PITPNM2: variants seen among roughly 807,000 people sequenced by gnomAD.
PITPNM2 encodes the protein phosphatidylinositol transfer protein membrane associated 2.
In PITPNM2, 35 loss-of-function variants were observed where a neutral mutation model predicts 132.2. That is an observed-to-expected ratio of 0.26 (90% CI 0.20 to 0.35). The LOEUF (loss-of-function observed/expected upper bound fraction) is 0.35. Among genes scored for constraint, PITPNM2 ranks in the 10% least tolerant of loss-of-function variants. The pLI is 1.00. For synonymous variants in PITPNM2, 738 were observed against 799.2 expected, an observed-to-expected ratio of 0.92 and a Z score of 1.29; for missense variants, 1,332 against 1,912.0, an observed-to-expected ratio of 0.70 and a Z score of 5.66.
chr12:123,024,512 A>G (rs770871049), intron 3 of PITPNM2, among the ~76,000 whole-genome samples: 8 of 152,236 alleles, frequency 5.3e-5, no homozygotes, highest in Non-Finnish European at 8.8e-5. Flanking sequence ...CAAAAAGTGG[A>G]AACAACCCAA....
At chr12:123,113,640 G>A (rs1259025011) in intron 1 of PITPNM2, among the ~76,000 whole-genome samples, 2 of 152,104 alleles carry the variant, frequency 1.3e-5, no homozygotes, top group Admixed American at 6.5e-5. Flanking sequence ...GATCAAGGCC[G>A]CAGTGAACTG....
chr12:123,023,283 C>T lies in PITPNM2; in HGVS notation c.79-9241G>A, dbSNP rs914521600. ...GCCACTCAGAATGTCAGTGCGCAGG[C>T]GTGCATGCGTGCACACACATGTGGC... On this transcript the variant is annotated intron_variant, in intron 3 of 25. Transcript: ENST00000320201. This position sits in a 1 kb window ranked among gnomAD's most constrained non-coding sequence, Gnocchi z 4.8. Among the ~76,000 whole-genome samples, 3 of 152,118 alleles carry T rather than the reference C, an allele frequency of 2.0e-5. No individual in the cohort carries two copies. The highest frequency in any genetic ancestry group is 1.3e-4 in the Admixed American group (2 of 15,284).
Position 123,005,120 on chromosome 12 carries a change from G to T in PITPNM2, c.952+120C>A. 7.9e-7 allele frequency: 1 copy of T among 1,265,304 alleles called. No individual in the cohort carries two copies. Among genetic ancestry groups the T allele is most frequent in the Non-Finnish European group, 1.1e-6 (1 of 910,204 alleles). 78.4% of individuals were successfully genotyped at this position (1,265,304 alleles called of 1,614,324 possible). ...AGCCCAGGGCTCTGACTCCCTCTGG[G>T]CTTGGTGCCTCAATGTCCATGGGAA... On this transcript the variant is annotated intron_variant, in intron 7 of 25. Coordinates refer to ENST00000320201, the MANE Select transcript of PITPNM2 (RefSeq NM_020845.3). The surrounding 1 kb of genome is among the most constrained non-coding windows in gnomAD (Gnocchi z 6.2).
At position 123,095,314 on chromosome 12, in the gene PITPNM2, C is replaced by T. The variant is rs897350319; in HGVS notation, c.-96+15071G>A. Among the ~76,000 whole-genome samples, 1 of 152,196 alleles carries T rather than the reference C, an allele frequency of 6.6e-6. No individual in the cohort carries two copies. Among genetic ancestry groups the T allele is most frequent in the Non-Finnish European group, 1.5e-5 (1 of 68,032 alleles). Reference sequence around the variant, plus strand: ...GAGCTAAGCAAATCAGAACCGATGGCCCTGTGCTGGGCACAGATCCCGCTT... The same window carrying T: ...GAGCTAAGCAAATCAGAACCGATGGTCCTGTGCTGGGCACAGATCCCGCTT... On this transcript the variant is annotated intron_variant, in intron 2 of 25. Coordinates refer to ENST00000320201, the MANE Select transcript of PITPNM2 (RefSeq NM_020845.3). This position sits in a 1 kb window ranked among gnomAD's most constrained non-coding sequence, Gnocchi z 5.0.
chr12:123,019,719 G>T (rs1217731493), intron 3 of PITPNM2, among the ~76,000 whole-genome samples: 1 of 152,244 alleles, frequency 6.6e-6, no homozygotes, highest in Non-Finnish European at 1.5e-5. Flanking sequence ...ACAGAAAGTA[G>T]AAGAAAGAGA....
intron 2 of PITPNM2, among the ~76,000 whole-genome samples, chr12:123,096,094 T>C (rs1172738520): frequency 6.6e-6 from 1 of 152,190 alleles, no homozygotes; most frequent in African/African-American, 2.4e-5. Flanking sequence ...GGAGCCAAAG[T>C]GGCCCCGTGG....
chr12:122,996,710 C>T lies in PITPNM2; in HGVS notation c.1662+11G>A, dbSNP rs754985090. 5 of 1,611,058 alleles carry T rather than the reference C, an allele frequency of 3.1e-6. No homozygotes were observed. The highest frequency in any genetic ancestry group is 4.2e-6 in the Non-Finnish European group (5 of 1,179,174). ...CATCCTCCTCCCCTCCCCAACTTCCCCGGGACTCACCTGCCCATTGAAGGT... is the reference window on the plus strand; with the variant it reads ...CATCCTCCTCCCCTCCCCAACTTCCTCGGGACTCACCTGCCCATTGAAGGT... On this transcript the variant is annotated intron_variant, in intron 12 of 25. Coordinates refer to ENST00000320201, the MANE Select transcript of PITPNM2 (RefSeq NM_020845.3).
In PITPNM2 at chr12:123,049,137, AAC is replaced by A. The variant is rs35784732; in HGVS notation, c.-95-14454_-95-14453del. On this transcript the variant is annotated intron_variant, in intron 2 of 25. Coordinates refer to ENST00000320201, the MANE Select transcript of PITPNM2 (RefSeq NM_020845.3). ...TGACAGAGCAAGACCCTGTCTCTAAAACACACACACACACACACACACACACA... is the reference window on the plus strand; with the variant it reads ...TGACAGAGCAAGACCCTGTCTCTAAAACACACACACACACACACACACACA... 2.9e-3 allele frequency among the ~76,000 whole-genome samples: 417 copies of A among 146,274 alleles called. 3 individuals are homozygous for A. Among genetic ancestry groups the A allele is most frequent in the African/African-American group, 7.2e-3 (287 of 39,858 alleles).
Position 123,053,721 on chromosome 12 carries a change from C to T in PITPNM2, c.-95-19036G>A, listed in dbSNP as rs1355231387. Among the ~76,000 whole-genome samples the T allele has an allele frequency of 2.6e-5, 4 of 152,118 alleles. No individual in the cohort carries two copies. The East Asian group carries it at 5.8e-4, about 22-fold the overall frequency. ...TAGCTAGGATTACAGGCATGTGCCACCACGCCCGGCTAATTTTGTATTTTT... is the reference window on the plus strand; with the variant it reads ...TAGCTAGGATTACAGGCATGTGCCATCACGCCCGGCTAATTTTGTATTTTT... On this transcript the variant is annotated intron_variant, in intron 2 of 25. Transcript: ENST00000320201.
In PITPNM2 at chr12:123,022,612, T is replaced by A. The variant is rs540272032; in HGVS notation, c.79-8570A>T. Among the ~76,000 whole-genome samples the A allele has an allele frequency of 6.6e-6, 1 of 152,292 alleles. No homozygotes were observed. Among genetic ancestry groups the A allele is most frequent in the Non-Finnish European group, 1.5e-5 (1 of 68,022 alleles). ...TTCAGAGCCCTGAGATGTTGTGGGA[T>A]CATGCTCCCCACTCCACAAGTAAGA... On this transcript the variant is annotated intron_variant, in intron 3 of 25. Coordinates refer to ENST00000320201, the MANE Select transcript of PITPNM2 (RefSeq NM_020845.3). The surrounding 1 kb of genome is among the most constrained non-coding windows in gnomAD (Gnocchi z 4.9).
In PITPNM2 at chr12:123,097,686, C is replaced by T. The variant is rs192993140; in HGVS notation, c.-96+12699G>A. 2.0e-5 allele frequency among the ~76,000 whole-genome samples: 3 copies of T among 152,354 alleles called. No homozygotes were observed. Among genetic ancestry groups the T allele is most frequent in the African/African-American group, 7.2e-5 (3 of 41,582 alleles). On this transcript the variant is annotated intron_variant, in intron 2 of 25. Coordinates refer to ENST00000320201, the MANE Select transcript of PITPNM2 (RefSeq NM_020845.3). This position sits in a 1 kb window ranked among gnomAD's most constrained non-coding sequence, Gnocchi z 4.7. Reference sequence around the variant, plus strand: ...CCTTCCTTGCCTGCCTGTCTGCCTTCCACTGGGGTTTTTCAATCTGTGCCT... The same window carrying T: ...CCTTCCTTGCCTGCCTGTCTGCCTTTCACTGGGGTTTTTCAATCTGTGCCT...
chr12:123,106,424 G>T lies in PITPNM2; in HGVS notation c.-96+3961C>A, dbSNP rs576706824. Among the ~76,000 whole-genome samples, 1 of 151,914 alleles carries T rather than the reference G, an allele frequency of 6.6e-6. No homozygotes were observed. Among genetic ancestry groups the T allele is most frequent in the Non-Finnish European group, 1.5e-5 (1 of 67,978 alleles). On this transcript the variant is annotated intron_variant, in intron 2 of 25. Transcript: ENST00000320201. The surrounding 1 kb of genome is among the most constrained non-coding windows in gnomAD (Gnocchi z 4.4). The stretch of plus-strand genomic sequence containing the variant: ...AATAATTCCTTTAAAAAAAAAAACA[G>T]GAAGAAAAGAAAGTACATTCTCAGG...
At chr12:122,995,708 CCCCTTCTCCAGTGTCCTGGAA>C (rs2038399425) in intron 13 of PITPNM2, 48 bp from the exon 14 acceptor site, 1 of 1,523,132 alleles carries the variant, frequency 6.6e-7, no homozygotes, top group Non-Finnish European at 8.8e-7. Flanking sequence ...GCTGGCCTGA[CCCCTTCTCCAGTGTCCTGGAA>C]GCTGCCTCCT....
rs562108685 is a variant in PITPNM2, at chr12:123,033,565, C to T, written c.78+948G>A. On this transcript the variant is annotated intron_variant, in intron 3 of 25. Coordinates refer to ENST00000320201, the MANE Select transcript of PITPNM2 (RefSeq NM_020845.3). Reference sequence around the variant, plus strand: ...GTCTGTAAGTGAGCCACATGTCTGACACTGCTTTTTTGCAAGCAGTCAGGG... The same window carrying T: ...GTCTGTAAGTGAGCCACATGTCTGATACTGCTTTTTTGCAAGCAGTCAGGG... 9.4e-4 allele frequency among the ~76,000 whole-genome samples: 143 copies of T among 152,344 alleles called. 2 individuals are homozygous for T. Among genetic ancestry groups the T allele is most frequent in the Admixed American group, 7.8e-4 (12 of 15,304 alleles).
Position 123,009,884 on chromosome 12 carries a change from C to T in PITPNM2, c.609G>A (p.Met203Ile). 6.2e-7 allele frequency: 1 copy of T among 1,614,190 alleles called. No individual in the cohort carries two copies. The highest frequency in any genetic ancestry group is 8.5e-7 in the Non-Finnish European group (1 of 1,180,036). The stretch of plus-strand genomic sequence containing the variant: ...GGATGAACCTCTCGATCTTGGACTG[C>T]ATGCCCCAGTAGCGGAACTCCACCT... ...LCKVEFRYWG[M>I]QSKIERFIHD... The change falls in exon 6 of 26, where the codon ATG becomes ATA. Residue 203 changes from methionine (M) to isoleucine (I), a missense_variant. Physicochemically the swap from Met to Ile is conservative, Grantham distance 10 (BLOSUM62 1). Around this residue, in one of 6 missense-constraint regions of PITPNM2, gnomAD observed 122 missense variants for 209.6 expected, o/e 0.58. Coordinates refer to ENST00000320201, the MANE Select transcript of PITPNM2 (RefSeq NM_020845.3). This position sits in a 1 kb window ranked among gnomAD's most constrained non-coding sequence, Gnocchi z 4.8.
intron 1 of PITPNM2, among the ~76,000 whole-genome samples, chr12:123,131,196 T>C (rs1229039947): frequency 2.0e-5 from 3 of 152,170 alleles, no homozygotes; most frequent in South Asian, 4.1e-4. Flanking sequence ...TTAGTTAAGG[T>C]GAGGTTGCAC....
At position 123,008,662 on chromosome 12, in the gene PITPNM2, C is replaced by T. The variant is rs1446793343; in HGVS notation, c.643+1188G>A. 6.6e-6 allele frequency among the ~76,000 whole-genome samples: 1 copy of T among 152,216 alleles called. No individual in the cohort carries two copies. Among genetic ancestry groups the T allele is most frequent in the Non-Finnish European group, 1.5e-5 (1 of 68,038 alleles). ...GCATCCCTCTCAATGGATGGGACAG[C>T]TTCCTTCTCTTCCTGCCACCTCTCC... On this transcript the variant is annotated intron_variant, in intron 6 of 25. Coordinates refer to ENST00000320201, the MANE Select transcript of PITPNM2 (RefSeq NM_020845.3). The surrounding 1 kb of genome is among the most constrained non-coding windows in gnomAD (Gnocchi z 4.1).
chr12:123,093,488 A>G (rs962504923), intron 2 of PITPNM2, among the ~76,000 whole-genome samples: 23 of 151,196 alleles, frequency 1.5e-4, no homozygotes, highest in Admixed American at 6.6e-5. Context: ...ACACACGCGC[A>G]CACACACACA....
intron 2 of PITPNM2, chr12:123,090,829 C>T (rs1025992782): frequency 3.3e-5 from 5 of 152,266 alleles, no homozygotes; most frequent in African/African-American, 7.2e-5. Flanking sequence ...CCGGCACAGC[C>T]ACATTGTGGT....
Sources: allele counts gnomAD v4.1 joint callset (sites outside exome capture counted in the v4.1 genomes callset), GRCh38; gene constraint gnomAD v4.1.1; regional missense constraint gnomAD v4.1.1; non-coding constraint Gnocchi (gnomAD v3.1); transcripts MANE v1.5; gene names NCBI Gene and HGNC (gene_info 2026-07-23, HGNC 2026-07-21).